HTR4: variants seen among roughly 807,000 people sequenced by gnomAD.
HTR4 encodes 5-hydroxytryptamine (serotonin) receptor 4, G protein-coupled.
In HTR4, 16 loss-of-function variants were observed where a neutral mutation model predicts 36.8. The observed-to-expected ratio is 0.43, with a 90% confidence interval of 0.29 to 0.66. The LOEUF (loss-of-function observed/expected upper bound fraction) is 0.66, where lower values mean the gene tolerates loss of function less well. HTR4 is among the 30% of genes least tolerant of loss of function. HTR4 has a pLI of 0.13. For synonymous variants in HTR4, 189 were observed against 185.1 expected (o/e 1.02, Z -0.17); for missense variants, 438 against 490.9 (o/e 0.89, Z 1.02).
chr5:148,651,776 C>A (rs1754047286), intron 1 of HTR4, among the ~76,000 whole-genome samples: 1 of 151,070 alleles, frequency 6.6e-6, no homozygotes, highest in Non-Finnish European at 1.5e-5. Context: ...TTCAAAAAGG[C>A]AGTGATATGG....
At chr5:148,516,345 G>A (rs150635718) in intron 5 of HTR4, among the ~76,000 whole-genome samples, 1,833 of 114,744 alleles carry the variant, frequency 0.016, 22 homozygotes, top group Middle Eastern at 0.075. Context: ...TTTGAGACTA[G>A]GTCTTGCTGT....
At chr5:148,497,795 C>G (rs1349405364) in intron 6 of HTR4, among the ~76,000 whole-genome samples, 19 of 152,218 alleles carry the variant, frequency 1.2e-4, no homozygotes, top group Non-Finnish European at 2.1e-4. Context: ...ATTCCACACA[C>G]TGGCATTATG....
chr5:148,500,342 A>T (rs1275875057), intron 6 of HTR4, among the ~76,000 whole-genome samples: 1 of 152,052 alleles, frequency 6.6e-6, no homozygotes, highest in Non-Finnish European at 1.5e-5. Flanking sequence ...TCAAGAGCCA[A>T]GTCCTGAAGA....
chr5:148,524,265 C>T (rs751657127), intron 4 of HTR4, among the ~76,000 whole-genome samples: 5 of 152,136 alleles, frequency 3.3e-5, no homozygotes, highest in Non-Finnish European at 5.9e-5. Context: ...GGGACTAGTC[C>T]TGACCAATGA....
At chr5:148,520,199 T>C (rs1196284469) in intron 5 of HTR4, among the ~76,000 whole-genome samples, 1 of 152,198 alleles carries the variant, frequency 6.6e-6, no homozygotes, top group Non-Finnish European at 1.5e-5. Context: ...TGGATTGTGC[T>C]AGCTTCTCTC....
Position 148,451,325 on chromosome 5 carries a change from A to C in HTR4, c.1077-53T>G, listed in dbSNP as rs115413216. The stretch of plus-strand genomic sequence containing the variant: ...AATTCAACAGGCATGCTCCAACTGC[A>C]CCGAAGTCAAGAGCACTCCTTCTAC... On this transcript the variant is annotated intron_variant, in intron 5 of 5. Coordinates refer to the HTR4 transcript ENST00000521530. 2,412 of 1,611,588 alleles carry C rather than the reference A, an allele frequency of 1.5e-3. 33 individuals carry two copies. The African/African-American group carries it at 0.029, about 19-fold the overall frequency.
At chr5:148,486,455 C>A (rs1561572708) in intron 6 of HTR4, among the ~76,000 whole-genome samples, 1 of 152,110 alleles carries the variant, frequency 6.6e-6, no homozygotes, top group Non-Finnish European at 1.5e-5. Context: ...AGACAGGGAC[C>A]TGGGTTCTAA....
At chr5:148,457,982 G>T (rs1242263383) in intron 5 of HTR4, among the ~76,000 whole-genome samples, 2 of 38,556 alleles carry the variant, frequency 5.2e-5, no homozygotes, top group Non-Finnish European at 8.2e-5. Context: ...ATATTTTAAT[G>T]ATATATTTAA....
chr5:148,647,200 C>T (rs1449537572), intron 1 of HTR4, among the ~76,000 whole-genome samples: 1 of 152,114 alleles, frequency 6.6e-6, no homozygotes, highest in Non-Finnish European at 1.5e-5. Context: ...GTCCTCTGAA[C>T]AATGCAAAAA....
chr5:148,540,167 T>A (rs1315733312), intron 4 of HTR4, among the ~76,000 whole-genome samples: 1 of 151,564 alleles, frequency 6.6e-6, no homozygotes, highest in Non-Finnish European at 1.5e-5. Flanking sequence ...GGGAGCTAAA[T>A]GACGAGAACT....
chr5:148,629,389 A>G (rs1306165683), intron 2 of HTR4: 1 of 152,206 alleles, frequency 6.6e-6, no homozygotes, highest in Non-Finnish European at 1.5e-5. Context: ...TTGATCAAGC[A>G]TGACATGGAA....
chr5:148,545,615 A>T (rs549878703), intron 4 of HTR4, among the ~76,000 whole-genome samples: 2 of 152,252 alleles, frequency 1.3e-5, no homozygotes, highest in African/African-American at 4.8e-5. Flanking sequence ...TCTGAAAGAC[A>T]TGCAGGAGAG....
chr5:148,475,785 G>T (rs1405556816), downstream of HTR4, among the ~76,000 whole-genome samples: 2 of 152,210 alleles, frequency 1.3e-5, no homozygotes, highest in African/African-American at 4.8e-5. Context: ...ACTTCAGTGA[G>T]AGCTTACTGT....
intron 5 of HTR4, among the ~76,000 whole-genome samples, chr5:148,521,517 C>A (rs145862007): frequency 1.3e-5 from 2 of 151,694 alleles, no homozygotes; most frequent in South Asian, 4.2e-4. Context: ...TCTAGTGTGC[C>A]GGCATTTGGA....
chr5:148,565,315 T>G (rs558838585), intron 2 of HTR4, among the ~76,000 whole-genome samples: 11 of 152,112 alleles, frequency 7.2e-5, no homozygotes, highest in Non-Finnish European at 1.6e-4. Flanking sequence ...CTGATCATTA[T>G]GAGAGCATGT....
chr5:148,654,339 C>T lies in HTR4; in HGVS notation c.-325G>A. 9 of 984,964 alleles carry T rather than the reference C, an allele frequency of 9.1e-6. No individual in the cohort carries two copies. Among genetic ancestry groups the T allele is most frequent in the Non-Finnish European group, 1.1e-5 (9 of 829,468 alleles). 61.0% of individuals were successfully genotyped at this position (984,964 alleles called of 1,614,324 possible). A position where few individuals can be genotyped will look rare whatever the true frequency, so the allele number is the denominator to read the frequency against. On this transcript the variant is annotated 5_prime_UTR_variant, in exon 1 of 7. Coordinates refer to ENST00000377888, the MANE Select transcript of HTR4 (RefSeq NM_000870.7). Reference sequence around the variant, plus strand: ...CCAACCGAGCCGGACTCCACGGGCTCAACAGCCCCCAGCCCCGGTGGTCCC... The same window carrying T: ...CCAACCGAGCCGGACTCCACGGGCTTAACAGCCCCCAGCCCCGGTGGTCCC...
intron 4 of HTR4, among the ~76,000 whole-genome samples, chr5:148,535,221 G>A (rs1232213602): frequency 6.6e-6 from 1 of 151,606 alleles, no homozygotes; most frequent in Non-Finnish European, 1.5e-5. Context: ...GGCAGGAAAG[G>A]AGTCTATTGA....
rs10055865 is a variant in HTR4, at chr5:148,596,453, A to G, written c.26+40536T>C. On this transcript the variant is annotated intron_variant, in intron 2 of 6. Transcript: ENST00000377888. ...GCTCTCTATTAACTCACCTCAAGCA[A>G]CTTTTTCATGTATTATCCCCCCATT... Among the ~76,000 whole-genome samples the G allele has an allele frequency of 2.1e-3, 317 of 152,176 alleles. 1 individual carries two copies. The highest frequency in any genetic ancestry group is 7.3e-3 in the African/African-American group (305 of 41,518).
intron 1 of HTR4, among the ~76,000 whole-genome samples, chr5:148,649,676 A>G (rs989434240): frequency 2.6e-5 from 4 of 152,308 alleles, no homozygotes; most frequent in African/African-American, 9.6e-5. Context: ...AATTGCTGAG[A>G]AAAAGCAAAG....
Sources: gnomAD v4.1 joint callset for allele counts (sites outside exome capture counted in the v4.1 genomes callset) on GRCh38, gnomAD v4.1.1 for gene constraint, MANE v1.5 for transcripts, NCBI Gene and HGNC (gene_info 2026-07-23, HGNC 2026-07-21) for gene names.